Variants in WWOX observed in about 807,000 individuals in gnomAD.
The protein encoded by WWOX is WW domain containing oxidoreductase.
In WWOX, 69 loss-of-function variants were observed where a neutral mutation model predicts 46.2. The ratio of observed to expected loss-of-function variants is 1.49; its 90% CI spans 1.23 to 1.82. WWOX has a LOEUF of 1.82. WWOX is among the 40% of genes most tolerant of loss of function. The pLI is 0.00. For synonymous variants in WWOX, 359 were observed against 202.6 expected, an observed-to-expected ratio of 1.77 and a Z score of -6.56; for missense variants, 919 against 542.6, an observed-to-expected ratio of 1.69 and a Z score of -6.89.
chr16:78,342,826 C>CG (rs1456061462), intron 5 of WWOX, among the ~76,000 whole-genome samples: 1 of 120,292 alleles, frequency 8.3e-6, no homozygotes, highest in African/African-American at 2.8e-5. Flanking sequence ...ACCGAGGTGT[C>CG]GGAGTAGCAG....
intron 8 of WWOX, chr16:78,780,332 T>G (rs977953165): frequency 7.9e-5 from 12 of 152,234 alleles, no homozygotes; most frequent in Admixed American, 2.6e-4. Context: ...ATGAATTGAC[T>G]GGTTTATTCA....
chr16:78,740,218 C>A (rs1200071399), intron 8 of WWOX, among the ~76,000 whole-genome samples: 1 of 152,184 alleles, frequency 6.6e-6, no homozygotes, highest in African/African-American at 2.4e-5. Context: ...AGAAATGGGA[C>A]TCAGGAAGGC....
At position 79,063,376 on chromosome 16, in the gene WWOX, A is replaced by T. The variant is rs529610119; in HGVS notation, c.1057-148232A>T. ...GCGTATCTTGGCCCCATCACATCAC[A>T]ACAGGCTGAATGCTGTCCACAGGTT... On this transcript the variant is annotated intron_variant, in intron 8 of 8. Transcript: ENST00000566780. Among the ~76,000 whole-genome samples the T allele has an allele frequency of 5.9e-5, 9 of 152,322 alleles. No individual in the cohort carries two copies. In the South Asian group the frequency reaches 1.9e-3, roughly 32 times the overall value.
rs1282480392 is a variant in WWOX, at chr16:78,610,992, C to A, written c.1056+178240C>A. 5.9e-5 allele frequency among the ~76,000 whole-genome samples: 9 copies of A among 151,976 alleles called. No homozygotes were observed. The South Asian group carries it at 1.5e-3, about 25-fold the overall frequency. On this transcript the variant is annotated intron_variant, in intron 8 of 8. Coordinates refer to ENST00000566780, the MANE Select transcript of WWOX (RefSeq NM_016373.4). ...AAAACAACAAAAACAACAACAACAA[C>A]AAAAAACCAAGTAGGAAGCAGGCAG...
intron 6 of WWOX, among the ~76,000 whole-genome samples, chr16:78,411,027 T>A (rs1212894619): frequency 6.6e-6 from 1 of 152,040 alleles, no homozygotes; most frequent in East Asian, 1.9e-4. Context: ...TAGCTTCCAT[T>A]GGATTGAGTA....
chr16:78,355,464 T>A, intron 5 of WWOX: 1 of 326,040 alleles, frequency 3.1e-6, no homozygotes. Context: ...TAGCCTGGCG[T>A]GGTGGCGGGC....
At chr16:78,259,658 T>G (rs8047483) in intron 5 of WWOX, among the ~76,000 whole-genome samples, 47,578 of 151,148 alleles carry the variant, frequency 0.31, 8,484 homozygotes, top group East Asian at 0.44. Flanking sequence ...TTTAAACTAT[T>G]AATACACAAG....
At chr16:79,021,641 G>T (rs528093170) in intron 8 of WWOX, among the ~76,000 whole-genome samples, 1 of 152,094 alleles carries the variant, frequency 6.6e-6, no homozygotes, top group South Asian at 2.1e-4. Context: ...CTGTGATTTC[G>T]ATTGCGACAA....
chr16:78,402,853 A>T (rs1198040818), intron 6 of WWOX, among the ~76,000 whole-genome samples: 1 of 151,396 alleles, frequency 6.6e-6, no homozygotes, highest in Non-Finnish European at 1.5e-5. Flanking sequence ...TGGTTGCTTT[A>T]CAGCTGGTGA....
intron 8 of WWOX, among the ~76,000 whole-genome samples, chr16:78,831,090 A>T (rs2051809374): frequency 6.6e-6 from 1 of 152,188 alleles, no homozygotes; most frequent in Non-Finnish European, 1.5e-5. Flanking sequence ...CTGCGTTCCT[A>T]GCCCTCCAGA....
chr16:79,111,399 C>CTT (rs1597385662), intron 8 of WWOX, among the ~76,000 whole-genome samples: 1 of 152,288 alleles, frequency 6.6e-6, no homozygotes, highest in East Asian at 1.9e-4. Flanking sequence ...TTTCTGGGGT[C>CTT]TTTTGCCTAA....
At chr16:79,012,357 C>T (rs917682651) in intron 8 of WWOX, among the ~76,000 whole-genome samples, 13 of 152,144 alleles carry the variant, frequency 8.5e-5, no homozygotes, top group Admixed American at 3.3e-4. Flanking sequence ...CTCAGCCTCC[C>T]GAGTAGCTGA....
intron 8 of WWOX, among the ~76,000 whole-genome samples, chr16:79,089,373 C>T (rs1478181410): frequency 6.6e-6 from 1 of 151,382 alleles, no homozygotes; most frequent in Non-Finnish European, 1.5e-5. Flanking sequence ...GCTCTGTCGC[C>T]CAGGCTGGAA....
chr16:78,538,765 G>T lies in WWOX; in HGVS notation c.1056+106013G>T, dbSNP rs77587357. The stretch of plus-strand genomic sequence containing the variant: ...CTGATTTTAAAACCCTGATTTAGGA[G>T]CATTTTCTTTCTGCTACCTTCCTAA... On this transcript the variant is annotated intron_variant, in intron 8 of 8. Coordinates refer to ENST00000566780, the MANE Select transcript of WWOX (RefSeq NM_016373.4). 6.4e-3 allele frequency among the ~76,000 whole-genome samples: 980 copies of T among 152,272 alleles called. 12 individuals are homozygous for T. Among genetic ancestry groups the T allele is most frequent in the African/African-American group, 0.023 (949 of 41,560 alleles).
intron 8 of WWOX, among the ~76,000 whole-genome samples, chr16:78,672,217 G>C (rs1330952863): frequency 1.3e-5 from 2 of 152,126 alleles, no homozygotes; most frequent in Non-Finnish European, 1.5e-5. Context: ...TTTTCAGGGA[G>C]CTTTAGAATT....
At position 78,240,987 on chromosome 16, in the gene WWOX, G is replaced by A. The variant is rs564595886; in HGVS notation, c.516+76698G>A. On this transcript the variant is annotated intron_variant, in intron 5 of 8. Transcript: ENST00000566780. ...ACTTGCAATTTGGGGATCTCTCAAC[G>A]TCCTGACCTCCATCTCAGTGGGCAT... is the stretch of plus-strand genomic sequence containing the variant. Among the ~76,000 whole-genome samples, 88 of 152,182 alleles carry A rather than the reference G, an allele frequency of 5.8e-4. 1 individual carries two copies. The highest frequency in any genetic ancestry group is 2.1e-3 in the African/African-American group (86 of 41,538).
chr16:78,150,112 C>T (rs1162659726), intron 4 of WWOX, among the ~76,000 whole-genome samples: 1 of 152,168 alleles, frequency 6.6e-6, no homozygotes, highest in African/African-American at 2.4e-5. Flanking sequence ...ACTTCTGACT[C>T]ACTGGCTACA....
Position 79,027,700 on chromosome 16 carries a change from C to T in WWOX, c.1057-183908C>T, listed in dbSNP as rs189140032. On this transcript the variant is annotated intron_variant, in intron 8 of 8. Coordinates refer to ENST00000566780, the MANE Select transcript of WWOX (RefSeq NM_016373.4). ...CTTGGAGATACTTATCTCCTCCTTA[C>T]TCTACCCAAGTAATGACTCATCCTT... Among the ~76,000 whole-genome samples, 16 of 151,958 alleles carry T rather than the reference C, an allele frequency of 1.1e-4. No individual in the cohort carries two copies. In the East Asian group the frequency reaches 3.1e-3, roughly 29 times the overall value.
chr16:78,481,857 ATCT>A (rs144901464), intron 8 of WWOX, among the ~76,000 whole-genome samples: 7,962 of 151,806 alleles, frequency 0.052, 265 homozygotes, highest in Non-Finnish European at 0.078. Context: ...TTTTCTATTA[ATCT>A]TCTTGGGGCT....
Sources: gnomAD v4.1 joint callset for allele counts (sites outside exome capture counted in the v4.1 genomes callset) on GRCh38, gnomAD v4.1.1 for gene constraint, MANE v1.5 for transcripts, NCBI Gene and HGNC (gene_info 2026-07-23, HGNC 2026-07-21) for gene names.